The following TBCK variants were observed in gnomAD, a reference collection of about 807,000 sequenced individuals.
TBCK encodes the protein TBC1 domain containing kinase.
TBCK carries 99 observed loss-of-function variants against 113.4 expected under a neutral mutation model. The observed-to-expected ratio is 0.87, with a 90% CI of 0.74 to 1.03. The LOEUF (loss-of-function observed/expected upper bound fraction) is 1.03, where lower values mean the gene tolerates loss of function less well. Among genes scored for constraint, TBCK ranks in the 50% least tolerant of loss-of-function variants. TBCK has a pLI of 0.00. For missense variants in TBCK, 1,045 were observed against 1,061.3 expected, an observed-to-expected ratio of 0.98 and a Z score of 0.21; for synonymous variants, 369 against 370.8, an observed-to-expected ratio of 1.00 and a Z score of 0.05.
chr4:106,219,582 G>C (rs1194769008), intron 19 of TBCK, among the ~76,000 whole-genome samples: 1 of 151,692 alleles, frequency 6.6e-6, no homozygotes, highest in African/African-American at 2.4e-5. Context: ...TACTATTCTT[G>C]CCAGTTTACT....
At chr4:106,132,299 G>A (rs1366462941) in intron 23 of TBCK, among the ~76,000 whole-genome samples, 1 of 152,196 alleles carries the variant, frequency 6.6e-6, no homozygotes, top group East Asian at 1.9e-4. Context: ...TCATGACATG[G>A]TGCCCTGCAA....
At chr4:106,168,999 G>A (rs570281038) in intron 23 of TBCK, among the ~76,000 whole-genome samples, 1 of 152,114 alleles carries the variant, frequency 6.6e-6, no homozygotes, top group African/African-American at 2.4e-5. Context: ...TCTGGATTTT[G>A]TATTTTTGGA....
intron 3 of TBCK, among the ~76,000 whole-genome samples, chr4:106,281,670 A>T (rs1425677983): frequency 6.6e-6 from 1 of 152,086 alleles, no homozygotes; most frequent in Non-Finnish European, 1.5e-5. Context: ...AATTGAAAGG[A>T]TCATATGGTT....
chr4:106,194,714 T>C lies in TBCK; in HGVS notation c.1897+4A>G, dbSNP rs781395512. On this transcript the variant is annotated splice_donor_region_variant and intron_variant, in intron 21 of 25. Transcript: ENST00000394708. Reference sequence around the variant, plus strand: ...TCAAAAAAACCGGGGGAAGTCATACTTACGAGTAAACATGGTAAGAAACCA... The same window carrying C: ...TCAAAAAAACCGGGGGAAGTCATACCTACGAGTAAACATGGTAAGAAACCA... The C allele has an allele frequency of 1.3e-6, 2 of 1,594,316 alleles. No homozygotes were observed. The highest frequency in any genetic ancestry group is 1.4e-5 in the African/African-American group (1 of 72,988).
At chr4:106,048,315 T>G (rs1248993004) in intron 25 of TBCK, among the ~76,000 whole-genome samples, 2 of 152,158 alleles carry the variant, frequency 1.3e-5, no homozygotes. Flanking sequence ...CCTACTTATC[T>G]TCTCTGTGAT....
intron 2 of TBCK, among the ~76,000 whole-genome samples, chr4:106,306,986 C>T (rs1038837949): frequency 6.6e-6 from 1 of 152,104 alleles, no homozygotes; most frequent in African/African-American, 2.4e-5. Flanking sequence ...TTATCATCTG[C>T]TAGACAATTA....
chr4:106,066,543 T>C (rs911968872), intron 25 of TBCK, among the ~76,000 whole-genome samples: 1 of 151,914 alleles, frequency 6.6e-6, no homozygotes, highest in African/African-American at 2.4e-5. Flanking sequence ...ACATAAAATT[T>C]TTCCTTTTAA....
intron 25 of TBCK, among the ~76,000 whole-genome samples, chr4:106,060,722 C>A (rs1354991901): frequency 6.6e-6 from 1 of 151,704 alleles, no homozygotes; most frequent in Non-Finnish European, 1.5e-5. Context: ...GCTGTAGCTG[C>A]TATAGATAGT....
intron 20 of TBCK, among the ~76,000 whole-genome samples, chr4:106,205,779 A>G (rs1755430759): frequency 6.6e-6 from 1 of 151,140 alleles, no homozygotes; most frequent in Non-Finnish European, 1.5e-5. Context: ...AAACAACAAA[A>G]AAAACAAAAA....
intron 1 of TBCK, among the ~76,000 whole-genome samples, chr4:106,314,054 T>C (rs1768482867): frequency 6.6e-6 from 1 of 152,292 alleles, no homozygotes; most frequent in Non-Finnish European, 1.5e-5. Context: ...AAGTAACAAC[T>C]ATAAAGCCAT....
intron 5 of TBCK, among the ~76,000 whole-genome samples, chr4:106,258,467 C>T (rs961557097): frequency 7.2e-5 from 11 of 152,000 alleles, no homozygotes; most frequent in Admixed American, 5.9e-4. Context: ...TAATGTTTCA[C>T]ATTTTGCTCT....
At chr4:106,182,774 A>G (rs1382440764) in intron 22 of TBCK, among the ~76,000 whole-genome samples, 1 of 152,112 alleles carries the variant, frequency 6.6e-6, no homozygotes, top group East Asian at 1.9e-4. Flanking sequence ...TAGAGGGAAT[A>G]AAATATGCAT....
intron 25 of TBCK, among the ~76,000 whole-genome samples, chr4:106,093,883 G>T (rs1304083876): frequency 2.0e-5 from 3 of 152,100 alleles, no homozygotes; most frequent in Admixed American, 6.5e-5. Flanking sequence ...CCAAGAGTGA[G>T]CCCTGATGTA....
At chr4:106,204,059 T>C (rs1225803899) in intron 20 of TBCK, among the ~76,000 whole-genome samples, 15 of 152,178 alleles carry the variant, frequency 9.9e-5, no homozygotes, top group African/African-American at 3.6e-4. Flanking sequence ...ATCATGCTAA[T>C]AAAAGAAATA....
At chr4:106,065,456 C>A (rs1042177456) in intron 25 of TBCK, among the ~76,000 whole-genome samples, 1 of 151,958 alleles carries the variant, frequency 6.6e-6, no homozygotes, top group Non-Finnish European at 1.5e-5. Flanking sequence ...CCGTGTTTTT[C>A]ATTTTAAATG....
intron 22 of TBCK, among the ~76,000 whole-genome samples, chr4:106,190,114 T>C (rs1448714521): frequency 6.6e-6 from 1 of 152,222 alleles, no homozygotes; most frequent in African/African-American, 2.4e-5. Context: ...CTACTGGCTA[T>C]AATAAGCTAT....
intron 24 of TBCK, among the ~76,000 whole-genome samples, chr4:106,102,513 C>T (rs1458559475): frequency 6.6e-6 from 1 of 151,992 alleles, no homozygotes; most frequent in African/African-American, 2.4e-5. Context: ...TATTGGTAGA[C>T]AGCTTATTTT....
At chr4:106,210,393 T>G (rs1755989196) in intron 20 of TBCK, among the ~76,000 whole-genome samples, 1 of 152,166 alleles carries the variant, frequency 6.6e-6, no homozygotes, top group Non-Finnish European at 1.5e-5. Flanking sequence ...GCTGTACTGT[T>G]AGTGATAATG....
chr4:106,314,939 C>A (rs1768618473), intron 1 of TBCK, among the ~76,000 whole-genome samples: 1 of 152,084 alleles, frequency 6.6e-6, no homozygotes, highest in Admixed American at 6.6e-5. Context: ...TATTTTCAAT[C>A]AGATGTCTTT....
Sources: allele counts gnomAD v4.1 joint callset (sites outside exome capture counted in the v4.1 genomes callset), GRCh38; gene constraint gnomAD v4.1.1; transcripts MANE v1.5; gene names NCBI Gene and HGNC (gene_info 2026-07-23, HGNC 2026-07-21).